CHD5: variants seen among roughly 807,000 people sequenced by gnomAD.
CHD5 encodes the protein chromodomain helicase DNA binding protein 5.
CHD5 carries 69 observed loss-of-function variants against 230.3 expected under a neutral mutation model. That is an observed-to-expected ratio of 0.30 (90% CI 0.25 to 0.37). The LOEUF (loss-of-function observed/expected upper bound fraction) is 0.37, where lower values mean the gene tolerates loss of function less well. Ranked by LOEUF, CHD5 falls within the 10% of genes least tolerant of loss-of-function variation. The probability of loss-of-function intolerance (pLI) is 1.00; values close to 1 mark genes in which losing one functional copy is unlikely to be tolerated. For synonymous variants in CHD5, 1,064 were observed against 1,065.9 expected (o/e 1.00, Z 0.03); for missense variants, 1,827 against 2,622.8 (o/e 0.70, Z 6.63).
chr1:6,159,128 G>A (rs1322080044), intron 3 of CHD5, among the ~76,000 whole-genome samples: 5 of 151,684 alleles, frequency 3.3e-5, no homozygotes, highest in African/African-American at 9.7e-5. Context: ...CCAGCTACTC[G>A]GGAGGCTGAG....
intron 1 of CHD5, among the ~76,000 whole-genome samples, chr1:6,170,461 C>T (rs1667319390): frequency 6.6e-6 from 1 of 152,158 alleles, no homozygotes; most frequent in Admixed American, 6.5e-5. Context: ...AGCGGACGCC[C>T]CTCCCACCCT....
intron 1 of CHD5, among the ~76,000 whole-genome samples, chr1:6,179,155 G>A (rs1284991154): frequency 6.6e-6 from 1 of 152,236 alleles, no homozygotes; most frequent in Non-Finnish European, 1.5e-5. Flanking sequence ...GAGATAAAAG[G>A]AGAGAGATGG....
rs140136776 is a variant in CHD5 at position 6,138,575 on chromosome 1, G to A, written c.2437-1710C>T. Among the ~76,000 whole-genome samples, 139 of 152,350 alleles carry A rather than the reference G, an allele frequency of 9.1e-4. 1 individual carries two copies. Among genetic ancestry groups the A allele is most frequent in the African/African-American group, 3.2e-3 (132 of 41,578 alleles). On this transcript the variant is annotated intron_variant, in intron 15 of 41. Coordinates refer to ENST00000262450, the MANE Select transcript of CHD5 (RefSeq NM_015557.3). ...TGCCTGTGAGAGAGCAGAGAGGGCC[G>A]AGGATGCCGTGCAGCATAGGCTTTG...
intron 3 of CHD5, among the ~76,000 whole-genome samples, chr1:6,156,205 GCA>G (rs1667079015): frequency 6.6e-6 from 1 of 152,172 alleles, no homozygotes; most frequent in African/African-American, 2.4e-5. Flanking sequence ...TGATGAGGCC[GCA>G]GGGCTCCAGG....
At chr1:6,169,396 G>A (rs561994162) in intron 1 of CHD5, among the ~76,000 whole-genome samples, 10 of 152,354 alleles carry the variant, frequency 6.6e-5, no homozygotes, top group East Asian at 1.9e-4. Flanking sequence ...GGCCCTGGCC[G>A]GGCAGGCTCG....
At chr1:6,161,407 T>A (rs750065513) in intron 2 of CHD5, among the ~76,000 whole-genome samples, 1 of 152,014 alleles carries the variant, frequency 6.6e-6, no homozygotes, top group Non-Finnish European at 1.5e-5. Context: ...TGCACTTCCC[T>A]CCTCTCCTGG....
intron 1 of CHD5, among the ~76,000 whole-genome samples, chr1:6,171,883 G>T (rs1667343705): frequency 6.6e-6 from 1 of 152,236 alleles, no homozygotes; most frequent in South Asian, 2.1e-4. Flanking sequence ...CCACCCTCCT[G>T]GCCCACCTGG....
intron 33 of CHD5, among the ~76,000 whole-genome samples, chr1:6,119,598 G>C (rs1666432988): frequency 6.6e-6 from 1 of 152,000 alleles, no homozygotes; most frequent in Non-Finnish European, 1.5e-5. Flanking sequence ...TTTAACACAA[G>C]TCTCTCAGAA....
intron 15 of CHD5, among the ~76,000 whole-genome samples, chr1:6,137,931 C>G (rs1037490306): frequency 6.6e-6 from 1 of 151,586 alleles, no homozygotes; most frequent in Admixed American, 6.6e-5. Context: ...TCCCCCTACT[C>G]CCCCTGGTGG....
chr1:6,121,593 A>G lies in CHD5; in HGVS notation c.4700-20T>C, dbSNP rs1666472127. The G allele has an allele frequency of 1.9e-6, 3 of 1,595,602 alleles. No homozygotes were observed. The highest frequency in any genetic ancestry group is 1.7e-6 in the Non-Finnish European group (2 of 1,165,838). On this transcript the variant is annotated intron_variant, in intron 31 of 41. Coordinates refer to ENST00000262450, the MANE Select transcript of CHD5 (RefSeq NM_015557.3). This position sits in a 1 kb window ranked among gnomAD's most constrained non-coding sequence, Gnocchi z 4.5. The stretch of plus-strand genomic sequence containing the variant: ...TTTTGTCTGAAAGATCAAGGGAAAG[A>G]GCTGAGACAGGTGGGCTCAGACGGG...
In CHD5 at chr1:6,142,562, G is replaced by A; in HGVS notation, c.2087C>T (p.Thr696Ile). 2 of 1,613,990 alleles carry A rather than the reference G, an allele frequency of 1.2e-6. No individual in the cohort carries two copies. Among genetic ancestry groups the A allele is most frequent in the Non-Finnish European group, 1.7e-6 (2 of 1,180,020 alleles). ...CTGGTACGGGTGCAGTGTGCCGCCTGTGGAGTCGATGTACCATGGCTGCTT... is the reference window on the plus strand; with the variant it reads ...CTGGTACGGGTGCAGTGTGCCGCCTATGGAGTCGATGTACCATGGCTGCTT... ...FDKQPWYIDS[T>I]GGTLHPYQLE... The change falls in exon 14 of 42, where the codon ACA becomes ATA. Residue 696 changes from threonine to isoleucine, a missense_variant. Transcript: ENST00000262450. This position sits in a 1 kb window ranked among gnomAD's most constrained non-coding sequence, Gnocchi z 5.2.
chr1:6,160,783 T>G (rs928157744), intron 2 of CHD5, among the ~76,000 whole-genome samples: 1 of 152,246 alleles, frequency 6.6e-6, no homozygotes. Flanking sequence ...TTTAGTTTCC[T>G]GTCTGTACAG....
chr1:6,149,613 G>A (rs1002560035), intron 7 of CHD5, among the ~76,000 whole-genome samples: 3 of 152,122 alleles, frequency 2.0e-5, no homozygotes, highest in South Asian at 2.1e-4. Context: ...AAGGAAGGAA[G>A]GAAGGGTAGG....
At position 6,113,018 on chromosome 1, in the gene CHD5, C is replaced by G. The variant is rs373596099; in HGVS notation, c.4913-20G>C. ...CCTCCTCTGCAAGAAAAAGAGGGTTCGCGGCATGGGGTGGGGTCCCAGAAA... is the reference window on the plus strand; with the variant it reads ...CCTCCTCTGCAAGAAAAAGAGGGTTGGCGGCATGGGGTGGGGTCCCAGAAA... On this transcript the variant is annotated intron_variant, in intron 33 of 41. Transcript: ENST00000262450. 26 of 1,565,872 alleles carry G rather than the reference C, an allele frequency of 1.7e-5. No homozygotes were observed. Among genetic ancestry groups the G allele is most frequent in the Admixed American group, 3.3e-5 (2 of 59,902 alleles).
chr1:6,129,186 G>T lies in CHD5; in HGVS notation c.3388-117C>A. On this transcript the variant is annotated intron_variant, in intron 22 of 41. Coordinates refer to ENST00000262450, the MANE Select transcript of CHD5 (RefSeq NM_015557.3). This position sits in a 1 kb window ranked among gnomAD's most constrained non-coding sequence, Gnocchi z 6.8. ...GCTGCATGACTGTGTAGGGAAAGGC[G>T]TGTGGTGCGTCCAGGTGTGTGGAGC... The T allele has an allele frequency of 1.4e-6, 1 of 705,998 alleles. No homozygotes were observed. The highest frequency in any genetic ancestry group is 2.4e-6 in the Non-Finnish European group (1 of 414,590). 43.7% of individuals were successfully genotyped at this position (705,998 alleles called of 1,614,324 possible).
At position 6,121,986 on chromosome 1, in the gene CHD5, C is replaced by T. The variant is rs1666479866; in HGVS notation, c.4700-413G>A. On this transcript the variant is annotated intron_variant, in intron 31 of 41. Transcript: ENST00000262450. The surrounding 1 kb of genome is among the most constrained non-coding windows in gnomAD (Gnocchi z 4.5). ...CTCCCTGCCAAGCCAGCCGCCAACA[C>T]ACTGCAAAGTGCTGGTCACTTACAC... Among the ~76,000 whole-genome samples the T allele has an allele frequency of 6.6e-6, 1 of 152,232 alleles. No homozygotes were observed. Among genetic ancestry groups the T allele is most frequent in the African/African-American group, 2.4e-5 (1 of 41,464 alleles).
In CHD5 at chr1:6,134,124, G is replaced by A. The variant is rs376667063; in HGVS notation, c.3144+4C>T. On this transcript the variant is annotated splice_donor_region_variant and intron_variant, in intron 20 of 41. Transcript: ENST00000262450. This position sits in a 1 kb window ranked among gnomAD's most constrained non-coding sequence, Gnocchi z 6.3. ...CGGGGCGGGGGTGGGCAGGGGCAGC[G>A]CACCTGGGAGAAGATGAGCACACGG... The A allele has an allele frequency of 9.9e-5, 160 of 1,611,294 alleles. No homozygotes were observed. Among genetic ancestry groups the A allele is most frequent in the Non-Finnish European group, 1.3e-4 (151 of 1,179,628 alleles).
intron 1 of CHD5, among the ~76,000 whole-genome samples, chr1:6,179,368 G>A (rs897004855): frequency 5.3e-5 from 8 of 152,148 alleles, no homozygotes; most frequent in Non-Finnish European, 1.2e-4. Flanking sequence ...GCAGGGGTCC[G>A]AGCCCGTGCG....
intron 35 of CHD5, 79 bp downstream of exon 35, chr1:6,112,061 A>G: frequency 6.6e-7 from 1 of 1,521,112 alleles, no homozygotes; most frequent in Non-Finnish European, 9.0e-7. Context: ...ACTCTAGTAT[A>G]AAGTTAACCA....
Sources: gnomAD v4.1 joint callset for allele counts (sites outside exome capture counted in the v4.1 genomes callset) on GRCh38, gnomAD v4.1.1 for gene constraint, Gnocchi (gnomAD v3.1) non-coding constraint, MANE v1.5 for transcripts, NCBI Gene and HGNC (gene_info 2026-07-23, HGNC 2026-07-21) for gene names.